Variants in MMP16 observed in about 807,000 individuals in gnomAD.
MMP16 encodes the protein matrix metallopeptidase 16.
Under a neutral mutation model 67.8 loss-of-function variants are expected in MMP16, and 12 were observed. The ratio of observed to expected loss-of-function variants is 0.18; its 90% confidence interval spans 0.11 to 0.29. The LOEUF (loss-of-function observed/expected upper bound fraction) is 0.29. Ranked by LOEUF, MMP16 falls within the 10% of genes least tolerant of loss-of-function variation. The probability of loss-of-function intolerance (pLI) is 1.00; values close to 1 mark genes in which losing one functional copy is unlikely to be tolerated. For missense variants in MMP16, 475 were observed against 765.7 expected (o/e 0.62, Z 4.48); for synonymous variants, 249 against 255.9 (o/e 0.97, Z 0.26).
intron 2 of MMP16, among the ~76,000 whole-genome samples, chr8:88,191,826 C>A (rs147639190): frequency 6.6e-6 from 1 of 152,314 alleles, no homozygotes; most frequent in Non-Finnish European, 1.5e-5. Context: ...TACTGGGTAT[C>A]CTGTGCTGGT....
At chr8:88,285,841 C>T (rs1220511147) in intron 1 of MMP16, among the ~76,000 whole-genome samples, 3 of 152,158 alleles carry the variant, frequency 2.0e-5, no homozygotes, top group East Asian at 1.9e-4. Flanking sequence ...GTTTTACTAA[C>T]GGCTTTTAAA....
intron 4 of MMP16, among the ~76,000 whole-genome samples, chr8:88,123,442 G>C (rs887370872): frequency 1.3e-5 from 2 of 150,846 alleles, no homozygotes. Flanking sequence ...TGATACTTTT[G>C]TTGTACCTAT....
At chr8:88,274,428 T>C (rs1477788761) in intron 1 of MMP16, among the ~76,000 whole-genome samples, 3 of 152,120 alleles carry the variant, frequency 2.0e-5, no homozygotes, top group Non-Finnish European at 4.4e-5. Flanking sequence ...CTCACTTACC[T>C]TTAATACGTA....
intron 8 of MMP16, among the ~76,000 whole-genome samples, chr8:88,052,212 G>C (rs1273753447): frequency 6.6e-6 from 1 of 152,144 alleles, no homozygotes; most frequent in Non-Finnish European, 1.5e-5. Flanking sequence ...AGGCACCTCA[G>C]TCAAGCATGG....
chr8:88,228,483 A>G (rs897130231), intron 1 of MMP16, among the ~76,000 whole-genome samples: 5 of 152,098 alleles, frequency 3.3e-5, no homozygotes, highest in African/African-American at 1.2e-4. Context: ...ATATCAGGAA[A>G]AATATATATG....
At chr8:88,125,700 C>T (rs1208231697) in intron 4 of MMP16, among the ~76,000 whole-genome samples, 1 of 151,830 alleles carries the variant, frequency 6.6e-6, no homozygotes, top group Non-Finnish European at 1.5e-5. Context: ...TGAAGAAAAG[C>T]AAGATTGGAT....
intron 1 of MMP16, among the ~76,000 whole-genome samples, chr8:88,294,579 T>C (rs1361785805): frequency 6.6e-6 from 1 of 152,058 alleles, no homozygotes; most frequent in Non-Finnish European, 1.5e-5. Flanking sequence ...TATGTATATA[T>C]GTCTCTATAC....
chr8:88,297,190 A>T (rs1811026100), intron 1 of MMP16, among the ~76,000 whole-genome samples: 1 of 152,194 alleles, frequency 6.6e-6, no homozygotes, highest in African/African-American at 2.4e-5. Flanking sequence ...GGTCTGAAAG[A>T]GTAACCCCCA....
chr8:88,261,536 T>G (rs1395656970), intron 1 of MMP16, among the ~76,000 whole-genome samples: 2 of 151,984 alleles, frequency 1.3e-5, no homozygotes, highest in Admixed American at 1.3e-4. Flanking sequence ...TCTACCTCAC[T>G]ATTTAGCATA....
chr8:88,086,165 C>A (rs911731519), intron 6 of MMP16, among the ~76,000 whole-genome samples: 4 of 151,702 alleles, frequency 2.6e-5, no homozygotes, highest in Non-Finnish European at 4.4e-5. Context: ...GTATTTATAT[C>A]TTTTTCCTGT....
intron 1 of MMP16, among the ~76,000 whole-genome samples, chr8:88,198,192 G>A (rs968832676): frequency 1.3e-5 from 2 of 152,130 alleles, no homozygotes; most frequent in Non-Finnish European, 2.9e-5. Context: ...ATCTCCACCA[G>A]GGAGCAGATG....
At chr8:88,044,626 C>T (rs1019707307) in intron 9 of MMP16, among the ~76,000 whole-genome samples, 16 of 152,048 alleles carry the variant, frequency 1.1e-4, no homozygotes, top group South Asian at 2.1e-4. Flanking sequence ...AATAAATTAA[C>T]GAGGCTGTGT....
Position 88,232,800 on chromosome 8 carries a change from A to G in MMP16, c.133-35494T>C, listed in dbSNP as rs1479480500. On this transcript the variant is annotated intron_variant, in intron 1 of 9. Coordinates refer to ENST00000286614, the MANE Select transcript of MMP16 (RefSeq NM_005941.5). The stretch of plus-strand genomic sequence containing the variant: ...TAAGGTGACAATTTTTTTGAGTAAC[A>G]GCTATATTTAGCAACCAGTTAAAGC... Among the ~76,000 whole-genome samples, 3 of 152,200 alleles carry G rather than the reference A, an allele frequency of 2.0e-5. No homozygotes were observed. In the East Asian group the frequency reaches 5.8e-4, roughly 29 times the overall value.
At chr8:88,139,876 C>T (rs996961204) in intron 4 of MMP16, among the ~76,000 whole-genome samples, 2 of 152,002 alleles carry the variant, frequency 1.3e-5, no homozygotes, top group Non-Finnish European at 2.9e-5. Context: ...ATTTAAGTTC[C>T]TATTTTCTTA....
At position 88,110,251 on chromosome 8, in the gene MMP16, C is replaced by T. The variant is rs565113272; in HGVS notation, c.1083+6256G>A. Reference sequence around the variant, plus strand: ...TCCATTCTTACTGACTAATACTTGCCTTTAATAACTAAGAAGCCAGGAAAT... The same window carrying T: ...TCCATTCTTACTGACTAATACTTGCTTTTAATAACTAAGAAGCCAGGAAAT... On this transcript the variant is annotated intron_variant, in intron 6 of 9. Transcript: ENST00000286614. Among the ~76,000 whole-genome samples, 533 of 151,332 alleles carry T rather than the reference C, an allele frequency of 3.5e-3. 4 individuals are homozygous for T. Among genetic ancestry groups the T allele is most frequent in the Non-Finnish European group, 6.5e-3 (436 of 67,552 alleles).
rs1416786084 is a variant in MMP16, at chr8:88,196,832, T to C, written c.281+326A>G. ...TTGGGAAGCCATGTGTACAATATAT[T>C]CTCATCAATCACACAACCCACCTCT... On this transcript the variant is annotated intron_variant, in intron 2 of 9. Transcript: ENST00000286614. Among the ~76,000 whole-genome samples the C allele has an allele frequency of 2.0e-5, 3 of 152,126 alleles. No individual in the cohort carries two copies. The East Asian group carries it at 5.8e-4, about 29-fold the overall frequency.
chr8:88,090,890 A>G (rs1224528193), intron 6 of MMP16, among the ~76,000 whole-genome samples: 2 of 151,850 alleles, frequency 1.3e-5, no homozygotes, highest in African/African-American at 4.8e-5. Context: ...GAATATAAGC[A>G]TATATATTTG....
At chr8:88,062,272 A>T (rs1023474109) in intron 7 of MMP16, among the ~76,000 whole-genome samples, 1 of 152,126 alleles carries the variant, frequency 6.6e-6, no homozygotes, top group Non-Finnish European at 1.5e-5. Flanking sequence ...ATCTAGAACT[A>T]GAAATACCAT....
chr8:88,087,547 C>A (rs1437561356), intron 6 of MMP16, among the ~76,000 whole-genome samples: 2 of 151,808 alleles, frequency 1.3e-5, no homozygotes, highest in Non-Finnish European at 2.9e-5. Context: ...GCTTGGTCTT[C>A]AATCAGACAT....
Sources: gnomAD v4.1 joint callset for allele counts (sites outside exome capture counted in the v4.1 genomes callset) on GRCh38, gnomAD v4.1.1 for gene constraint, MANE v1.5 for transcripts, NCBI Gene and HGNC (gene_info 2026-07-23, HGNC 2026-07-21) for gene names.